PTPRD: variants seen among roughly 807,000 people sequenced by gnomAD.
PTPRD encodes the protein receptor-type tyrosine-protein phosphatase delta.
PTPRD carries 34 observed loss-of-function variants against 214.5 expected under a neutral mutation model. The observed-to-expected ratio is 0.16, with a 90% CI of 0.12 to 0.21. PTPRD has a LOEUF of 0.21. Among genes scored for constraint, PTPRD ranks in the 10% least tolerant of loss-of-function variants. The probability of loss-of-function intolerance (pLI) is 1.00; values close to 1 mark genes in which losing one functional copy is unlikely to be tolerated. For synonymous variants in PTPRD, 1,128 were observed against 845.7 expected, an observed-to-expected ratio of 1.33 and a Z score of -5.79; for missense variants, 2,545 against 2,398.7, an observed-to-expected ratio of 1.06 and a Z score of -1.27.
chr9:9,923,300 A>G (rs543478116), intron 5 of PTPRD, among the ~76,000 whole-genome samples: 1 of 151,858 alleles, frequency 6.6e-6, no homozygotes, highest in South Asian at 2.1e-4. Flanking sequence ...GGAAGATAAA[A>G]ATCAAGAAAA....
At chr9:8,782,661 A>T (rs553723429) in intron 11 of PTPRD, among the ~76,000 whole-genome samples, 1 of 150,082 alleles carries the variant, frequency 6.7e-6, no homozygotes, top group Non-Finnish European at 1.5e-5. Context: ...GCAGTGGCAC[A>T]ATCTCGGCTC....
At chr9:10,102,460 C>T (rs1196543383) in intron 3 of PTPRD, among the ~76,000 whole-genome samples, 3 of 151,484 alleles carry the variant, frequency 2.0e-5, no homozygotes, top group Admixed American at 2.0e-4. Flanking sequence ...GAACTAATGT[C>T]AATATTATTA....
At chr9:8,703,169 T>G (rs1488556162) in intron 12 of PTPRD, among the ~76,000 whole-genome samples, 2 of 152,208 alleles carry the variant, frequency 1.3e-5, no homozygotes, top group Non-Finnish European at 2.9e-5. Context: ...AGACTTCCTC[T>G]CCAGACCAAA....
chr9:8,389,760 C>T (rs1178489306), intron 36 of PTPRD, among the ~76,000 whole-genome samples: 1 of 152,112 alleles, frequency 6.6e-6, no homozygotes, highest in Non-Finnish European at 1.5e-5. Flanking sequence ...CACCCATGTG[C>T]TTCCCAGGCA....
chr9:9,424,823 A>G (rs543802855), intron 8 of PTPRD, among the ~76,000 whole-genome samples: 1 of 152,346 alleles, frequency 6.6e-6, no homozygotes, highest in South Asian at 2.1e-4. Context: ...TAAATCATTT[A>G]GAAAACGACA....
intron 3 of PTPRD, among the ~76,000 whole-genome samples, chr9:10,210,656 C>T (rs1451156423): frequency 1.3e-5 from 2 of 149,704 alleles, no homozygotes; most frequent in Non-Finnish European, 3.0e-5. Flanking sequence ...TATATACACA[C>T]ATATGTTTAT....
chr9:8,992,534 T>C (rs1053741775), intron 11 of PTPRD, among the ~76,000 whole-genome samples: 7 of 152,164 alleles, frequency 4.6e-5, no homozygotes, highest in African/African-American at 1.4e-4. Context: ...TTCTCATTAA[T>C]ACTAGAGGTT....
intron 11 of PTPRD, among the ~76,000 whole-genome samples, chr9:8,985,642 C>G (rs912151182): frequency 3.4e-5 from 4 of 118,432 alleles, no homozygotes; most frequent in Non-Finnish European, 7.4e-5. Flanking sequence ...GTGCCTTTTA[C>G]AAAAAAAAAA....
intron 11 of PTPRD, among the ~76,000 whole-genome samples, chr9:8,950,413 G>T (rs1378319793): frequency 1.3e-5 from 2 of 151,484 alleles, no homozygotes; most frequent in South Asian, 2.1e-4. Flanking sequence ...TGTGAGTCCA[G>T]TTGAGAAGAA....
At chr9:10,449,408 G>A (rs112057986) in intron 2 of PTPRD, among the ~76,000 whole-genome samples, 2,893 of 150,736 alleles carry the variant, frequency 0.019, 152 homozygotes, top group African/African-American at 0.064. Flanking sequence ...CCTCCCAGCC[G>A]CCTGCCTTGG....
intron 10 of PTPRD, among the ~76,000 whole-genome samples, chr9:9,123,848 C>T (rs1394178068): frequency 1.3e-5 from 2 of 152,082 alleles, no homozygotes; most frequent in Non-Finnish European, 2.9e-5. Flanking sequence ...GGAATAGCCA[C>T]AATGAATCAC....
chr9:9,288,662 G>C (rs577120879), intron 9 of PTPRD, among the ~76,000 whole-genome samples: 2 of 151,954 alleles, frequency 1.3e-5, no homozygotes, highest in South Asian at 2.1e-4. Context: ...GAATTTCATA[G>C]GTAAGTTAAA....
At chr9:9,469,533 A>C (rs930705354) in intron 8 of PTPRD, among the ~76,000 whole-genome samples, 1 of 152,150 alleles carries the variant, frequency 6.6e-6, no homozygotes, top group Non-Finnish European at 1.5e-5. Flanking sequence ...AATACTTCCT[A>C]TTTCAAATAA....
chr9:10,208,312 ACG>A (rs2099495136), intron 3 of PTPRD, among the ~76,000 whole-genome samples: 2 of 152,190 alleles, frequency 1.3e-5, no homozygotes, highest in Admixed American at 6.5e-5. Context: ...CAGGAGATCG[ACG>A]CCATCCTGGC....
At chr9:10,004,062 G>A (rs1340348600) in intron 4 of PTPRD, among the ~76,000 whole-genome samples, 2 of 151,736 alleles carry the variant, frequency 1.3e-5, no homozygotes, top group East Asian at 3.9e-4. Context: ...AATTTAATGG[G>A]TATTTATGGA....
chr9:8,823,379 C>T (rs75683266), intron 11 of PTPRD, among the ~76,000 whole-genome samples: 6,158 of 152,270 alleles, frequency 0.04, 220 homozygotes, highest in African/African-American at 0.086. Context: ...TCATGTAATA[C>T]ATAGCCCTTC....
intron 2 of PTPRD, among the ~76,000 whole-genome samples, chr9:10,468,963 G>C: frequency 6.6e-6 from 1 of 152,044 alleles, no homozygotes; most frequent in East Asian, 1.9e-4. Flanking sequence ...GTAGAAGTAA[G>C]TGAATTAGAA....
chr9:10,415,084 TTAAAA>T (rs927854886), intron 2 of PTPRD, among the ~76,000 whole-genome samples: 1 of 151,606 alleles, frequency 6.6e-6, no homozygotes. Flanking sequence ...ACCCTTCAAC[TTAAAA>T]TAAAAGTAAA....
intron 35 of PTPRD, among the ~76,000 whole-genome samples, chr9:8,423,088 T>A (rs2094461546): frequency 6.6e-6 from 1 of 152,096 alleles, no homozygotes; most frequent in Non-Finnish European, 1.5e-5. Context: ...AAACCTGACA[T>A]CAGAATCTGA....
Sources: allele counts gnomAD v4.1 joint callset (sites outside exome capture counted in the v4.1 genomes callset), GRCh38; gene constraint gnomAD v4.1.1; transcripts MANE v1.5; gene names NCBI Gene and HGNC (gene_info 2026-07-23, HGNC 2026-07-21).